MND1: variants seen among roughly 807,000 people sequenced by gnomAD.
MND1 encodes meiotic nuclear division protein 1 homolog.
MND1 carries 28 observed loss-of-function variants against 35.1 expected under a neutral mutation model. The observed-to-expected ratio is 0.80, with a 90% CI of 0.59 to 1.09. The LOEUF (loss-of-function observed/expected upper bound fraction) is 1.09. Ranked by LOEUF, MND1 falls within the 50% of genes least tolerant of loss-of-function variation. The probability of loss-of-function intolerance (pLI) is 0.00; values close to 1 mark genes in which losing one functional copy is unlikely to be tolerated. For missense variants in MND1, 213 were observed against 239.6 expected, an observed-to-expected ratio of 0.89 and a Z score of 0.73; for synonymous variants, 69 against 70.5, an observed-to-expected ratio of 0.98 and a Z score of 0.11.
chr4:153,365,117 A>AC (rs1201164884), intron 4 of MND1, among the ~76,000 whole-genome samples: 1 of 147,316 alleles, frequency 6.8e-6, no homozygotes, highest in Non-Finnish European at 1.5e-5. Context: ...AAAAAAAAAA[A>AC]CTATCCAAGC....
At chr4:153,398,133 C>T (rs1282548409) in intron 6 of MND1, among the ~76,000 whole-genome samples, 1 of 151,826 alleles carries the variant, frequency 6.6e-6, no homozygotes, top group Non-Finnish European at 1.5e-5. Flanking sequence ...GACCAGAGTC[C>T]CCAGAGCCTT....
chr4:153,348,617 A>T (rs1034640099), intron 1 of MND1, among the ~76,000 whole-genome samples: 1 of 152,140 alleles, frequency 6.6e-6, no homozygotes, highest in African/African-American at 2.4e-5. Flanking sequence ...GAAACACCTG[A>T]TCATTTTATT....
chr4:153,410,573 A>G (rs1267517073), intron 7 of MND1, among the ~76,000 whole-genome samples: 2 of 152,222 alleles, frequency 1.3e-5, no homozygotes, highest in African/African-American at 4.8e-5. Context: ...TAAAATCAAT[A>G]TAATTGGCCT....
chr4:153,414,368 G>A (rs1183593039), intron 7 of MND1, among the ~76,000 whole-genome samples: 4 of 147,576 alleles, frequency 2.7e-5, no homozygotes, highest in Non-Finnish European at 6.0e-5. Flanking sequence ...CACAACCTCC[G>A]CCTCCCAGGT....
intron 4 of MND1, among the ~76,000 whole-genome samples, chr4:153,366,378 G>A (rs1489161501): frequency 6.6e-6 from 1 of 152,194 alleles, no homozygotes; most frequent in Non-Finnish European, 1.5e-5. Context: ...AGTTGTGGAT[G>A]AATTTTTTAA....
chr4:153,413,179 T>C lies in MND1; in HGVS notation c.512-1572T>C, dbSNP rs570503065. ...GGTAGTAGGGGCTAGGACTTCAACA[T>C]ACAAATTTGGGGGGAAATGATTCAG... On this transcript the variant is annotated intron_variant, in intron 7 of 7. Coordinates refer to ENST00000240488, the MANE Select transcript of MND1 (RefSeq NM_032117.4). Among the ~76,000 whole-genome samples, 239 of 152,160 alleles carry C rather than the reference T, an allele frequency of 1.6e-3. 1 individual carries two copies. Among genetic ancestry groups the C allele is most frequent in the African/African-American group, 5.6e-3 (231 of 41,532 alleles).
chr4:153,363,012 A>G, intron 4 of MND1: 1 of 985,372 alleles, frequency 1.0e-6, no homozygotes, highest in Non-Finnish European at 1.2e-6. Flanking sequence ...CCCCACATGA[A>G]GTGCAAGATG....
At chr4:153,345,616 T>G in intron 1 of MND1, 1 of 821,760 alleles carries the variant, frequency 1.2e-6, no homozygotes, top group South Asian at 5.6e-5. Flanking sequence ...AATCAACATC[T>G]GGTTAAATGG....
chr4:153,365,024 G>A (rs1318189494), intron 4 of MND1, among the ~76,000 whole-genome samples: 2 of 151,702 alleles, frequency 1.3e-5, no homozygotes, highest in East Asian at 3.9e-4. Flanking sequence ...ATAGAATGAG[G>A]CCTGACATTG....
At chr4:153,408,933 T>TATATATAA (rs35950044) in intron 6 of MND1, 38 bp from the exon 7 acceptor site, 20 of 694,850 alleles carry the variant, frequency 2.9e-5, no homozygotes, top group African/African-American at 2.6e-4. Flanking sequence ...TATATATATA[T>TATATATAA]AAATACATTT....
At chr4:153,350,951 T>TAAAAAAAAAAAAA (rs567868452) in intron 2 of MND1, among the ~76,000 whole-genome samples, 1 of 123,542 alleles carries the variant, frequency 8.1e-6, no homozygotes, top group Non-Finnish European at 1.8e-5. Context: ...AGATTCTTAG[T>TAAAAAAAAAAAAA]AAAAAAAAAA....
intron 7 of MND1, among the ~76,000 whole-genome samples, chr4:153,413,981 A>G (rs1057393186): frequency 2.0e-5 from 3 of 152,080 alleles, no homozygotes; most frequent in African/African-American, 7.2e-5. Context: ...TTCTGTTCTT[A>G]GTCTTAAGAG....
At chr4:153,381,965 C>T (rs1728721843) in intron 4 of MND1, 1 of 151,662 alleles carries the variant, frequency 6.6e-6, no homozygotes, top group Non-Finnish European at 1.5e-5. Flanking sequence ...CTTAAGCGCT[C>T]CTTAGCCTCC....
chr4:153,400,028 A>T (rs1427860657), intron 6 of MND1, among the ~76,000 whole-genome samples: 1 of 150,504 alleles, frequency 6.6e-6, no homozygotes, highest in South Asian at 2.1e-4. Flanking sequence ...CAGCTTCCCA[A>T]ATAGCTGGGA....
At chr4:153,407,514 T>TA (rs927781347) in intron 6 of MND1, among the ~76,000 whole-genome samples, 4 of 152,120 alleles carry the variant, frequency 2.6e-5, no homozygotes, top group Admixed American at 2.0e-4. Flanking sequence ...CTGGAACTCT[T>TA]AGATTGCTGG....
intron 4 of MND1, among the ~76,000 whole-genome samples, chr4:153,373,263 T>C (rs1728368594): frequency 6.6e-6 from 1 of 152,168 alleles, no homozygotes; most frequent in South Asian, 2.1e-4. Flanking sequence ...ACAAGAACTG[T>C]GTTTTATTTA....
rs1420750310 is a variant in MND1, at chr4:153,358,522, T to C, written c.176T>C (p.Met59Thr). 10 of 1,613,314 alleles carry C rather than the reference T, an allele frequency of 6.2e-6. No homozygotes were observed. The highest frequency in any genetic ancestry group is 1.1e-5 in the South Asian group (1 of 90,916). Residue 59 changes from methionine to threonine, a missense_variant, in exon 4 of 8, where the codon ATG becomes ACG. Transcript: ENST00000240488. ...EVLQSLVDDG[M>T]VDCERIGTSN... ...CTTCAAAGCTTAGTTGATGATGGTATGGTTGACTGTGAGAGGATCGGAACT... is the reference window on the plus strand; with the variant it reads ...CTTCAAAGCTTAGTTGATGATGGTACGGTTGACTGTGAGAGGATCGGAACT...
chr4:153,348,266 C>T (rs1408513651), intron 1 of MND1, among the ~76,000 whole-genome samples: 2 of 152,024 alleles, frequency 1.3e-5, no homozygotes, highest in Non-Finnish European at 2.9e-5. Flanking sequence ...GCTTGGGTCA[C>T]GAGATAGTAT....
At chr4:153,368,982 T>A (rs1312171851) in intron 4 of MND1, among the ~76,000 whole-genome samples, 14 of 152,242 alleles carry the variant, frequency 9.2e-5, no homozygotes, top group Admixed American at 9.2e-4. Flanking sequence ...CTTAGTTGGG[T>A]ACATCTGGCT....
Sources: allele counts gnomAD v4.1 joint callset (sites outside exome capture counted in the v4.1 genomes callset), GRCh38; gene constraint gnomAD v4.1.1; transcripts MANE v1.5; gene names NCBI Gene and HGNC (gene_info 2026-07-23, HGNC 2026-07-21).